The following APLP2 variants were observed in gnomAD, a reference collection of about 807,000 sequenced individuals.
APLP2 encodes the protein CDEI box-binding protein.
A neutral mutation model predicts 89.9 loss-of-function variants in APLP2; 53 were observed. The ratio of observed to expected loss-of-function variants is 0.59; its 90% CI spans 0.47 to 0.74. The LOEUF is 0.74. APLP2 is among the 30% of genes least tolerant of loss of function. APLP2 has a pLI of 0.00. For synonymous variants in APLP2, 372 were observed against 348.6 expected (o/e 1.07, Z -0.75); for missense variants, 973 against 975.9 (o/e 1.00, Z 0.04).
At chr11:130,121,115 C>T (rs896768804) in intron 4 of APLP2, among the ~76,000 whole-genome samples, 3 of 152,126 alleles carry the variant, frequency 2.0e-5, no homozygotes, top group African/African-American at 7.2e-5. Flanking sequence ...ACCCTAAGGC[C>T]GGCATGGAAA....
chr11:130,141,415 A>G lies in APLP2; in HGVS notation c.1924-83A>G. 1 of 1,118,894 alleles carries G rather than the reference A, an allele frequency of 8.9e-7. No homozygotes were observed. Among genetic ancestry groups the G allele is most frequent in the Non-Finnish European group, 1.4e-6 (1 of 738,960 alleles). The allele number at this position is 1,118,894 out of a possible 1,614,324, so 69.3% of individuals were successfully genotyped here. On this transcript the variant is annotated intron_variant, in intron 14 of 16. Coordinates refer to ENST00000338167, the MANE Select transcript of APLP2 (RefSeq NM_001142276.2). The surrounding 1 kb of genome is among the most constrained non-coding windows in gnomAD (Gnocchi z 4.2). ...TACCTGCTTCCTTCCATCAAGCAGCAGGTAGCAGAGGAAGGAGGCAGTAAA... is the reference window on the plus strand; with the variant it reads ...TACCTGCTTCCTTCCATCAAGCAGCGGGTAGCAGAGGAAGGAGGCAGTAAA...
intron 1 of APLP2, among the ~76,000 whole-genome samples, chr11:130,071,677 T>G (rs1487974286): frequency 6.6e-6 from 1 of 152,220 alleles, no homozygotes; most frequent in Non-Finnish European, 1.5e-5. Context: ...AATACTTGTG[T>G]AGCGGGAAAA....
At chr11:130,071,992 A>G (rs1489014120) in intron 1 of APLP2, among the ~76,000 whole-genome samples, 1 of 152,210 alleles carries the variant, frequency 6.6e-6, no homozygotes, top group Non-Finnish European at 1.5e-5. Flanking sequence ...GTCTTTGGGA[A>G]GGCCCTGATT....
chr11:130,130,234 A>G, intron 11 of APLP2, 68 bp downstream of exon 11: 1 of 1,602,994 alleles, frequency 6.2e-7, no homozygotes, highest in Non-Finnish European at 8.5e-7. Flanking sequence ...TGCCTTGACT[A>G]ATGGTTGACC....
Position 130,123,483 on chromosome 11 carries a change from C to T in APLP2, c.923-129C>T, listed in dbSNP as rs1266857860. The T allele has an allele frequency of 4.0e-6, 4 of 991,558 alleles. No individual in the cohort carries two copies. Among genetic ancestry groups the T allele is most frequent in the African/African-American group, 3.3e-5 (2 of 61,062 alleles). The allele number at this position is 991,558 out of a possible 1,614,324, so 61.4% of individuals were successfully genotyped here. On this transcript the variant is annotated intron_variant, in intron 6 of 16. Coordinates refer to ENST00000338167, the MANE Select transcript of APLP2 (RefSeq NM_001142276.2). The surrounding 1 kb of genome is among the most constrained non-coding windows in gnomAD (Gnocchi z 4.0). ...TGGCCTGAGCTGGAGCTTTCGGCCA[C>T]CGGGCCTCCAGGCTCCGTCCAGTCT...
At chr11:130,132,225 T>C (rs1211534103) in intron 11 of APLP2, among the ~76,000 whole-genome samples, 1 of 152,166 alleles carries the variant, frequency 6.6e-6, no homozygotes, top group African/African-American at 2.4e-5. Context: ...TCATTTGCAT[T>C]TTTTCTTCAA....
In APLP2 at chr11:130,141,973, G is replaced by A. The variant is rs755287713; in HGVS notation, c.2053G>A (p.Gly685Ser). 6 of 1,613,986 alleles carry A rather than the reference G, an allele frequency of 3.7e-6. No individual in the cohort carries two copies. The highest frequency in any genetic ancestry group is 5.1e-6 in the Non-Finnish European group (6 of 1,180,020). ...CAGTCTGAGTAGCAGTGCTCTCATT[G>A]GCCTGCTGGTCATCGCAGTGGCCAT... is the stretch of plus-strand genomic sequence containing the variant. ...DFSLSSSALI[G>S]LLVIAVAIAT... The change falls in exon 16 of 17, where the codon GGC (glycine) becomes AGC (serine). Residue 685 changes from glycine (G) to serine (S), a missense_variant. Physicochemically the swap from Gly to Ser is moderately conservative, Grantham distance 56. Coordinates refer to ENST00000338167, the MANE Select transcript of APLP2 (RefSeq NM_001142276.2). The surrounding 1 kb of genome is among the most constrained non-coding windows in gnomAD (Gnocchi z 4.2).
intron 8 of APLP2, among the ~76,000 whole-genome samples, chr11:130,127,398 C>T (rs1950503605): frequency 6.6e-6 from 1 of 152,154 alleles, no homozygotes. Flanking sequence ...CTAAGCTCCA[C>T]CCCAAATCCC....
At chr11:130,117,215 A>G (rs1403927784) in intron 3 of APLP2, among the ~76,000 whole-genome samples, 1 of 152,234 alleles carries the variant, frequency 6.6e-6, no homozygotes, top group Admixed American at 6.5e-5. Context: ...GAACAGATTG[A>G]TTCAGTCATG....
At chr11:130,079,025 G>A (rs1942641098) in intron 1 of APLP2, among the ~76,000 whole-genome samples, 2 of 152,020 alleles carry the variant, frequency 1.3e-5, no homozygotes, top group South Asian at 2.1e-4. Flanking sequence ...TTAATTGGGG[G>A]AAAATTGACA....
At position 130,127,757 on chromosome 11, in the gene APLP2, T is replaced by C; in HGVS notation, c.1222-9T>C. On this transcript the variant is annotated splice_polypyrimidine_tract_variant and intron_variant, in intron 8 of 16. Transcript: ENST00000338167. ...TCACTGCTGACGGCGTTTTTGACCT[T>C]TGTTCTAGGTAAAGAAGGAATGGGA... The C allele has an allele frequency of 6.2e-7, 1 of 1,613,924 alleles. No individual in the cohort carries two copies. Among genetic ancestry groups the C allele is most frequent in the Non-Finnish European group, 8.5e-7 (1 of 1,179,820 alleles).
intron 13 of APLP2, chr11:130,137,414 G>A (rs1951761432): frequency 4.3e-6 from 4 of 933,806 alleles, no homozygotes; most frequent in Admixed American, 1.8e-5. Flanking sequence ...CTTCTGACAC[G>A]GCTGTGAGTG....
At chr11:130,120,563 C>T in intron 3 of APLP2, 143 bp from the exon 4 acceptor site, 1 of 664,348 alleles carries the variant, frequency 1.5e-6, no homozygotes, top group Non-Finnish European at 2.7e-6. Flanking sequence ...ATCCAGTCAG[C>T]CTTTGAAGGT....
intron 5 of APLP2, 143 bp from the exon 6 acceptor site, chr11:130,122,162 C>G: frequency 1.0e-6 from 1 of 987,024 alleles, no homozygotes; most frequent in Non-Finnish European, 1.5e-6. Flanking sequence ...GTAGCTGGGC[C>G]CCAGGGCTTA....
Position 130,121,761 on chromosome 11 carries a change from G to C in APLP2, c.664G>C (p.Glu222Gln). ...AAAAGAAGAGGAAGAGGAAGATGAA[G>C]AGGAAGAGGAAGAGGAAGATGAAGA... is the stretch of plus-strand genomic sequence containing the variant. The part of the protein sequence containing the change: ...VSKEEEEEDE[E>Q]EEEEEDEEED... Residue 222 changes from glutamate (E) to glutamine (Q), a missense_variant, in exon 5 of 17, where the codon GAG (glutamate) becomes CAG (glutamine). Coordinates refer to ENST00000338167, the MANE Select transcript of APLP2 (RefSeq NM_001142276.2). The C allele has an allele frequency of 1.5e-6, 2 of 1,331,014 alleles. No homozygotes were observed. The highest frequency in any genetic ancestry group is 2.1e-6 in the Non-Finnish European group (2 of 968,594). 82.5% of individuals were successfully genotyped at this position (1,331,014 alleles called of 1,614,324 possible). A position where few individuals can be genotyped will look rare whatever the true frequency, so the allele number is the denominator to read the frequency against.
At chr11:130,114,646 A>G (rs991147936) in intron 3 of APLP2, among the ~76,000 whole-genome samples, 6 of 151,216 alleles carry the variant, frequency 4.0e-5, no homozygotes, top group Non-Finnish European at 5.9e-5. Context: ...TATTTTCCCT[A>G]CTCCACTCCT....
In APLP2 at chr11:130,141,771, G is replaced by A. The variant is rs1952427077; in HGVS notation, c.1999-148G>A. On this transcript the variant is annotated intron_variant, in intron 15 of 16. Transcript: ENST00000338167. The surrounding 1 kb of genome is among the most constrained non-coding windows in gnomAD (Gnocchi z 4.2). ...TGGGAAGAGTGGGCGTTCTCCACCT[G>A]TGGGTGGTTCCCTGCAAAGCAGGAT... 2.0e-6 allele frequency: 2 copies of A among 1,015,334 alleles called. No homozygotes were observed. The highest frequency in any genetic ancestry group is 1.6e-5 in the South Asian group (1 of 61,246). 62.9% of individuals were successfully genotyped at this position (1,015,334 alleles called of 1,614,324 possible). A position where few individuals can be genotyped will look rare whatever the true frequency, so the allele number is the denominator to read the frequency against.
At chr11:130,091,488 G>A (rs1168864197) in intron 1 of APLP2, among the ~76,000 whole-genome samples, 6 of 136,346 alleles carry the variant, frequency 4.4e-5, no homozygotes, top group African/African-American at 1.5e-4. Flanking sequence ...CTGGCCGGGC[G>A]GAGGGCTGAC....
intron 1 of APLP2, among the ~76,000 whole-genome samples, chr11:130,076,856 T>A (rs778427074): frequency 2.8e-4 from 43 of 152,166 alleles, no homozygotes; most frequent in Non-Finnish European, 4.4e-4. Flanking sequence ...GATAGAAGTG[T>A]ATCAGATGCT....
Sources: gnomAD v4.1 joint callset for allele counts (sites outside exome capture counted in the v4.1 genomes callset) on GRCh38, gnomAD v4.1.1 for gene constraint, Gnocchi (gnomAD v3.1) non-coding constraint, MANE v1.5 for transcripts, NCBI Gene and HGNC (gene_info 2026-07-23, HGNC 2026-07-21) for gene names.